COL12A1: variants seen among roughly 807,000 people sequenced by gnomAD.
The protein encoded by COL12A1 is collagen alpha-1(XII) chain.
A neutral mutation model predicts 349.7 loss-of-function variants in COL12A1; 114 were observed. The ratio of observed to expected loss-of-function variants is 0.33; its 90% CI spans 0.28 to 0.38. The LOEUF (loss-of-function observed/expected upper bound fraction) is 0.38, where lower values mean the gene tolerates loss of function less well. Ranked by LOEUF, COL12A1 falls within the 10% of genes least tolerant of loss-of-function variation. The probability of loss-of-function intolerance (pLI) is 1.00; values close to 1 mark genes in which losing one functional copy is unlikely to be tolerated. For missense variants in COL12A1, 3,284 were observed against 3,756.9 expected, an observed-to-expected ratio of 0.87 and a Z score of 3.29; for synonymous variants, 1,369 against 1,329.0, an observed-to-expected ratio of 1.03 and a Z score of -0.66.
At chr6:75,147,148 A>T (rs551321556) in intron 23 of COL12A1, among the ~76,000 whole-genome samples, 1 of 152,350 alleles carries the variant, frequency 6.6e-6, no homozygotes, top group South Asian at 2.1e-4. Flanking sequence ...GCCAGAAAGA[A>T]AAGAGAAGAT....
chr6:75,148,586 C>A, intron 21 of COL12A1, 89 bp from the exon 22 acceptor site: 4 of 1,157,530 alleles, frequency 3.5e-6, no homozygotes, highest in Non-Finnish European at 4.9e-6. Flanking sequence ...TATTATGCTC[C>A]ATATTCTAAG....
At chr6:75,162,648 A>G (rs1038121699) in intron 14 of COL12A1, among the ~76,000 whole-genome samples, 1 of 152,252 alleles carries the variant, frequency 6.6e-6, no homozygotes, top group Non-Finnish European at 1.5e-5. Context: ...AATAAAAGCC[A>G]AAATAGACAA....
intron 49 of COL12A1, among the ~76,000 whole-genome samples, chr6:75,114,888 T>C (rs1769001239): frequency 6.6e-6 from 1 of 152,068 alleles, no homozygotes; most frequent in Admixed American, 6.6e-5. Context: ...GAGAAAACAA[T>C]AGGCTGTCAT....
At chr6:75,131,785 A>G (rs1766310522) in intron 35 of COL12A1, among the ~76,000 whole-genome samples, 155 bp downstream of exon 35, 1 of 152,210 alleles carries the variant, frequency 6.6e-6, no homozygotes, top group Non-Finnish European at 1.5e-5. Context: ...TACTAACCCT[A>G]TAATTAATAC....
chr6:75,128,558 C>G (rs192333062), intron 37 of COL12A1, 133 bp from the exon 38 acceptor site: 1 of 679,202 alleles, frequency 1.5e-6, no homozygotes, highest in Non-Finnish European at 2.1e-6. Context: ...ACACAATGCT[C>G]GTGACAAGAC....
At chr6:75,187,014 A>G (rs923029030) in intron 8 of COL12A1, among the ~76,000 whole-genome samples, 1 of 151,908 alleles carries the variant, frequency 6.6e-6, no homozygotes, top group African/African-American at 2.4e-5. Flanking sequence ...AAAATAACTA[A>G]TGGGTACTAG....
chr6:75,171,212 AG>A (rs1190840399), intron 13 of COL12A1, among the ~76,000 whole-genome samples: 1 of 152,160 alleles, frequency 6.6e-6, no homozygotes, highest in Non-Finnish European at 1.5e-5. Context: ...TAACAACAAC[AG>A]GGGAAAAAAA....
At position 75,182,590 on chromosome 6, in the gene COL12A1, G is replaced by A. The variant is rs192448534; in HGVS notation, c.1891+460C>T. ...ACATTGAAAAGTAGATCAGACAAATGAGGAAAATTCCAGATGTGACAAATG... is the reference window on the plus strand; with the variant it reads ...ACATTGAAAAGTAGATCAGACAAATAAGGAAAATTCCAGATGTGACAAATG... On this transcript the variant is annotated intron_variant, in intron 10 of 65. Coordinates refer to ENST00000322507, the MANE Select transcript of COL12A1 (RefSeq NM_004370.6). Among the ~76,000 whole-genome samples, 297 of 152,296 alleles carry A rather than the reference G, an allele frequency of 2.0e-3. 2 individuals carry two copies. In the South Asian group the frequency reaches 0.021, roughly 11 times the overall value.
Position 75,156,497 on chromosome 6 carries a change from C to T in COL12A1, c.3010G>A (p.Val1004Ile), listed in dbSNP as rs1265054596. 1.9e-6 allele frequency: 3 copies of T among 1,613,584 alleles called. No individual in the cohort carries two copies. The highest frequency in any genetic ancestry group is 1.1e-5 in the South Asian group (1 of 91,072). Residue 1004 changes from valine (V) to isoleucine (I), a missense_variant, in exon 15 of 66, where the codon GTA (valine) becomes ATA (isoleucine). Coordinates refer to ENST00000322507, the MANE Select transcript of COL12A1 (RefSeq NM_004370.6). Reference protein sequence around the residue: ...ELSQDSKTLKVDEETENTMRV... With the variant: ...ELSQDSKTLKIDEETENTMRV... ...ATTGTGTTTTCTGTTTCTTCATCTA[C>T]TTTCAGGGTTTTGGAATCTTGAGAT...
At chr6:75,185,059 G>A (rs1769538443) in intron 8 of COL12A1, among the ~76,000 whole-genome samples, 1 of 152,164 alleles carries the variant, frequency 6.6e-6, no homozygotes, top group Admixed American at 6.5e-5. Context: ...TTGAAAACCA[G>A]CACAAGATGA....
At chr6:75,088,287 G>A (rs781551268) in intron 64 of COL12A1, among the ~76,000 whole-genome samples, 1 of 152,208 alleles carries the variant, frequency 6.6e-6, no homozygotes, top group Non-Finnish European at 1.5e-5. Context: ...GCATCAGACA[G>A]ACATGTAGTA....
At chr6:75,174,855 G>C (rs1323902089) in intron 13 of COL12A1, among the ~76,000 whole-genome samples, 183 bp downstream of exon 13, 3 of 152,070 alleles carry the variant, frequency 2.0e-5, no homozygotes, top group Non-Finnish European at 4.4e-5. Flanking sequence ...AATTTTTTCA[G>C]TTGCTTACAT....
At chr6:75,101,807 G>T in intron 57 of COL12A1, 154 bp from the exon 58 acceptor site, 2 of 970,876 alleles carry the variant, frequency 2.1e-6, no homozygotes, top group Non-Finnish European at 3.1e-6. Flanking sequence ...TACAGTAGAT[G>T]CTCAGTCAAC....
intron 51 of COL12A1, 168 bp downstream of exon 51, chr6:75,113,036 T>C: frequency 2.4e-6 from 1 of 421,144 alleles, no homozygotes; most frequent in East Asian, 4.1e-5. Context: ...GATTAGTATA[T>C]TGTTTTATTT....
rs1414467678 is a variant in COL12A1, at chr6:75,106,592, C to A, written c.8101-96G>T. 2.9e-6 allele frequency: 3 copies of A among 1,023,794 alleles called. No homozygotes were observed. The South Asian group carries it at 4.1e-5, about 14-fold the overall frequency. 63.4% of individuals were successfully genotyped at this position (1,023,794 alleles called of 1,614,324 possible). The stretch of plus-strand genomic sequence containing the variant: ...TAACATTGCCAACTTCTCACACATA[C>A]TCTCTCAAGGGTGTGAGCCATTGAG... On this transcript the variant is annotated intron_variant, in intron 52 of 65. Coordinates refer to ENST00000322507, the MANE Select transcript of COL12A1 (RefSeq NM_004370.6).
At chr6:75,135,039 A>G (rs1481003876) in intron 31 of COL12A1, among the ~76,000 whole-genome samples, 184 bp from the exon 32 acceptor site, 1 of 152,166 alleles carries the variant, frequency 6.6e-6, no homozygotes, top group East Asian at 1.9e-4. Context: ...TGCACCTCAA[A>G]TCATAAAAAG....
chr6:75,189,448 T>G (rs2149475314), intron 6 of COL12A1, 67 bp from the exon 7 acceptor site: 1 of 1,575,778 alleles, frequency 6.3e-7, no homozygotes, highest in Non-Finnish European at 8.6e-7. Flanking sequence ...AAAAACTATG[T>G]GAACAATGTC....
intron 46 of COL12A1, among the ~76,000 whole-genome samples, chr6:75,118,466 G>C (rs1394327055): frequency 6.6e-6 from 1 of 152,104 alleles, no homozygotes; most frequent in African/African-American, 2.4e-5. Flanking sequence ...AGGGGGTAGG[G>C]GGGCTGTTAA....
At chr6:75,106,324 T>C in intron 53 of COL12A1, 95 bp downstream of exon 53, 2 of 1,064,126 alleles carry the variant, frequency 1.9e-6, no homozygotes, top group Non-Finnish European at 1.4e-6. Context: ...ATCCTGAATA[T>C]ACAACTGTGC....
Sources: gnomAD v4.1 joint callset for allele counts (sites outside exome capture counted in the v4.1 genomes callset) on GRCh38, gnomAD v4.1.1 for gene constraint, MANE v1.5 for transcripts, NCBI Gene and HGNC (gene_info 2026-07-23, HGNC 2026-07-21) for gene names.